Variants in HDAC5 observed in about 807,000 individuals in gnomAD.
The protein encoded by HDAC5 is histone deacetylase 5, also known as antigen NY-CO-9.
A neutral mutation model predicts 133.3 loss-of-function variants in HDAC5; 25 were observed. The observed-to-expected ratio is 0.19, with a 90% CI of 0.14 to 0.26. The LOEUF is 0.26. HDAC5 is among the 10% of genes least tolerant of loss of function. The probability of loss-of-function intolerance (pLI) is 1.00; values close to 1 mark genes in which losing one functional copy is unlikely to be tolerated. For synonymous variants in HDAC5, 589 were observed against 610.8 expected (o/e 0.96, Z 0.53); for missense variants, 1,041 against 1,460.5 (o/e 0.71, Z 4.68).
At chr17:44,080,680 G>T in intron 21 of HDAC5, 83 bp downstream of exon 21, 1 of 1,587,290 alleles carries the variant, frequency 6.3e-7, no homozygotes, top group Non-Finnish European at 8.6e-7. Context: ...ACCACCATGG[G>T]CCTCCGTGGC....
chr17:44,115,704 C>T (rs2052604710), intron 2 of HDAC5, among the ~76,000 whole-genome samples: 1 of 152,226 alleles, frequency 6.6e-6, no homozygotes, highest in African/African-American at 2.4e-5. Context: ...GTTCCAAAGC[C>T]TCTCAACAAT....
intron 1 of HDAC5, among the ~76,000 whole-genome samples, chr17:44,118,171 C>T (rs995256380): frequency 6.6e-5 from 10 of 152,198 alleles, no homozygotes; most frequent in Non-Finnish European, 1.0e-4. Context: ...GGTCTTCTCC[C>T]GACTTTCTGA....
chr17:44,078,961 G>A, intron 24 of HDAC5, 82 bp from the exon 25 acceptor site: 1 of 1,533,742 alleles, frequency 6.5e-7, no homozygotes, highest in Non-Finnish European at 9.0e-7. Context: ...CTCAGCCCCA[G>A]ATATCCCTCA....
chr17:44,118,471 C>T (rs886817995), intron 1 of HDAC5, among the ~76,000 whole-genome samples: 2 of 152,194 alleles, frequency 1.3e-5, no homozygotes, highest in Non-Finnish European at 2.9e-5. Flanking sequence ...CCACCCAAAA[C>T]AAGGGACGAT....
intron 21 of HDAC5, 82 bp from the exon 22 acceptor site, chr17:44,080,580 A>G: frequency 1.3e-6 from 2 of 1,508,766 alleles, no homozygotes; most frequent in East Asian, 2.3e-5. Context: ...CTGCCTCCAG[A>G]TCTCACTCCA....
At chr17:44,083,966 A>C in intron 16 of HDAC5, 112 bp from the exon 17 acceptor site, 1 of 847,552 alleles carries the variant, frequency 1.2e-6, no homozygotes, top group Non-Finnish European at 2.0e-6. Context: ...TCTACTAAAA[A>C]TACAAAACTT....
intron 21 of HDAC5, 121 bp downstream of exon 21, chr17:44,080,642 T>C (rs1275298937): frequency 6.7e-7 from 1 of 1,494,856 alleles, no homozygotes; most frequent in Non-Finnish European, 9.2e-7. Flanking sequence ...GTCCTCCCAC[T>C]AGGAGCCCAG....
intron 15 of HDAC5, 136 bp downstream of exon 15, chr17:44,084,886 C>T (rs932225353): frequency 5.4e-6 from 7 of 1,307,828 alleles, no homozygotes; most frequent in Admixed American, 4.1e-5. Flanking sequence ...AGGGATGGAA[C>T]GGGGTGGTGG....
At chr17:44,105,804 GGATGCT>G (rs1334966591) in intron 3 of HDAC5, among the ~76,000 whole-genome samples, 1 of 152,136 alleles carries the variant, frequency 6.6e-6, no homozygotes, top group African/African-American at 2.4e-5. Flanking sequence ...GGCCTTCCAG[GGATGCT>G]GATGACATCT....
intron 2 of HDAC5, among the ~76,000 whole-genome samples, chr17:44,116,970 C>T (rs1381957914): frequency 6.6e-6 from 1 of 152,196 alleles, no homozygotes; most frequent in Admixed American, 6.5e-5. Flanking sequence ...CCTCTACACA[C>T]GTCACCCCAC....
intron 3 of HDAC5, among the ~76,000 whole-genome samples, chr17:44,101,647 C>T (rs1358771043): frequency 6.6e-6 from 1 of 152,120 alleles, no homozygotes; most frequent in South Asian, 2.1e-4. Flanking sequence ...TCAATACCCT[C>T]AAGACACAGG....
chr17:44,092,388 C>A lies in HDAC5; in HGVS notation c.912G>T (p.Gly304=). 3.1e-6 allele frequency: 5 copies of A among 1,612,380 alleles called. No individual in the cohort carries two copies. Among genetic ancestry groups the A allele is most frequent in the East Asian group, 2.2e-5 (1 of 44,820 alleles). Residue 304 remains glycine (G), a synonymous_variant, in exon 8 of 27, where the codon GGG becomes GGT. Coordinates refer to ENST00000682912, the MANE Select transcript of HDAC5 (RefSeq NM_005474.5). The part of the protein sequence containing the change: ...KKRAVEITGA[G]PGASSVCNSA... The stretch of plus-strand genomic sequence containing the variant: ...CATGAGAGCAGCCCTTACCCCCAGG[C>A]CCGGCACCTGTGATCTCAACAGCTC...
At position 44,078,868 on chromosome 17, in the gene HDAC5, C is replaced by T; in HGVS notation, c.3090G>A (p.Leu1030=). 6.2e-7 allele frequency: 1 copy of T among 1,614,152 alleles called. No homozygotes were observed. Among genetic ancestry groups the T allele is most frequent in the South Asian group, 1.1e-5 (1 of 91,086 alleles). The change falls in exon 25 of 27, where the codon TTG becomes TTA. Residue 1030 remains leucine, a synonymous_variant. Transcript: ENST00000682912. ...GCTTTTGCTGCAAGACTGCCTCATC[C>T]AAGGGCTGCAGCTGGCAGGGGAAAG... The part of the protein sequence containing the change: ...SALLSVELQP[L]DEAVLQQKPN...
rs2050774661 is a variant in HDAC5, at chr17:44,088,444, T to C, written c.1542A>G (p.Gln514=). 6.3e-7 allele frequency: 1 copy of C among 1,594,316 alleles called. No homozygotes were observed. Among genetic ancestry groups the C allele is most frequent in the Non-Finnish European group, 8.5e-7 (1 of 1,171,016 alleles). ...SPQALQQLVM[Q]QQHQQFLEKQ... ...TCTCCAGGAACTGCTGGTGCTGTTG[T>C]TGCATGACCAGCTGCTGCAGGGCCT... is the stretch of plus-strand genomic sequence containing the variant. The change falls in exon 12 of 27, where the codon CAA becomes CAG. Residue 514 remains glutamine (Q), a synonymous_variant. Transcript: ENST00000682912.
intron 10 of HDAC5, 83 bp from the exon 11 acceptor site, chr17:44,091,575 C>T: frequency 3.4e-6 from 5 of 1,485,786 alleles, no homozygotes; most frequent in South Asian, 1.3e-5. Flanking sequence ...TATCTACCCC[C>T]CAAGCTCTGG....
At position 44,093,299 on chromosome 17, in the gene HDAC5, G is replaced by A. The variant is rs1290150243; in HGVS notation, c.526+15C>T. On this transcript the variant is annotated intron_variant, in intron 5 of 26. Transcript: ENST00000682912. ...CGGGCGGGGCCCTACGAGGTCCCAG[G>A]AGGCCCTGCCTTACTCTCTTTGCTC... is the stretch of plus-strand genomic sequence containing the variant. 6.3e-7 allele frequency: 1 copy of A among 1,582,110 alleles called. No homozygotes were observed. Among genetic ancestry groups the A allele is most frequent in the South Asian group, 1.1e-5 (1 of 87,548 alleles).
At position 44,091,145 on chromosome 17, in the gene HDAC5, G is replaced by A. The variant is rs1183397834; in HGVS notation, c.1387+125C>T. On this transcript the variant is annotated intron_variant, in intron 11 of 26. Coordinates refer to ENST00000682912, the MANE Select transcript of HDAC5 (RefSeq NM_005474.5). ...ATCCTGTAGGTATCCCATGTTTCCAGAATGTGGAAGAAATCACTGATGCTG... is the reference window on the plus strand; with the variant it reads ...ATCCTGTAGGTATCCCATGTTTCCAAAATGTGGAAGAAATCACTGATGCTG... 62 of 785,256 alleles carry A rather than the reference G, an allele frequency of 7.9e-5. No individual in the cohort carries two copies. In the Admixed American group the frequency reaches 1.2e-3, roughly 15 times the overall value. 48.6% of individuals were successfully genotyped at this position (785,256 alleles called of 1,614,324 possible). A position where few individuals can be genotyped will look rare whatever the true frequency, so the allele number is the denominator to read the frequency against.
At chr17:44,095,272 G>C (rs912386588) in intron 3 of HDAC5, among the ~76,000 whole-genome samples, 4 of 152,166 alleles carry the variant, frequency 2.6e-5, no homozygotes, top group African/African-American at 7.2e-5. Flanking sequence ...CCAATAACTA[G>C]AATATGAGTC....
chr17:44,109,273 T>G (rs987847141), intron 3 of HDAC5, among the ~76,000 whole-genome samples: 2 of 152,178 alleles, frequency 1.3e-5, no homozygotes, highest in Admixed American at 6.5e-5. Flanking sequence ...GGCTGTGGGC[T>G]AGGGGCCAGC....
Sources: allele counts gnomAD v4.1 joint callset (sites outside exome capture counted in the v4.1 genomes callset), GRCh38; gene constraint gnomAD v4.1.1; transcripts MANE v1.5; gene names NCBI Gene and HGNC (gene_info 2026-07-23, HGNC 2026-07-21).